SOX6: variants seen among roughly 807,000 people sequenced by gnomAD.
SOX6 encodes SRY-box transcription factor 6, also known as transcription factor SOX-6.
In SOX6, 11 loss-of-function variants were observed where a neutral mutation model predicts 97.8. That is an observed-to-expected ratio of 0.11 (90% confidence interval 0.07 to 0.19). The LOEUF is 0.19. SOX6 is among the 10% of genes least tolerant of loss of function. SOX6 has a pLI of 1.00. For synonymous variants in SOX6, 360 were observed against 371.4 expected (o/e 0.97, Z 0.35); for missense variants, 810 against 1,039.5 (o/e 0.78, Z 3.04).
At chr11:16,046,747 C>A in intron 11 of SOX6, 46 bp from the exon 12 acceptor site, 1 of 1,565,654 alleles carries the variant, frequency 6.4e-7, no homozygotes, top group South Asian at 1.1e-5. Context: ...GGTCAGACTC[C>A]TAAAAAGTAC....
chr11:16,053,574 TA>T (rs1309738442), intron 10 of SOX6, among the ~76,000 whole-genome samples: 1 of 152,084 alleles, frequency 6.6e-6, no homozygotes, highest in Admixed American at 6.6e-5. Flanking sequence ...AGGAGAAAAC[TA>T]AAGTAGAAAG....
intron 12 of SOX6, among the ~76,000 whole-genome samples, chr11:16,039,374 G>A (rs1045134218): frequency 2.6e-5 from 4 of 151,982 alleles, no homozygotes; most frequent in Non-Finnish European, 5.9e-5. Flanking sequence ...TGTTATTAAG[G>A]TTAAGGTGAA....
chr11:16,061,293 A>G (rs1348202466), intron 9 of SOX6, among the ~76,000 whole-genome samples: 2 of 129,834 alleles, frequency 1.5e-5, no homozygotes, highest in African/African-American at 5.3e-5. Context: ...AATCCCAGTT[A>G]CAATAGCTAC....
rs1308097815 is a variant in SOX6, at chr11:16,373,825, A to G, written c.-4-32573T>C. On this transcript the variant is annotated intron_variant, in intron 1 of 15. Coordinates refer to the SOX6 transcript ENST00000396356. ...AGGGGGAGGGAGGGAGGGAGAGAGG[A>G]AGGAAGGAAGGAAGGAAGGAAGGAA... Among the ~76,000 whole-genome samples the G allele has an allele frequency of 3.4e-4, 4 of 11,938 alleles. No individual in the cohort carries two copies. In the Admixed American group the frequency reaches 3.8e-3, roughly 11 times the overall value. 7.8% of individuals were successfully genotyped at this position (11,938 alleles called of 152,430 possible).
chr11:16,151,376 C>T (rs1850454192), intron 6 of SOX6, among the ~76,000 whole-genome samples: 1 of 152,098 alleles, frequency 6.6e-6, no homozygotes, highest in African/African-American at 2.4e-5. Flanking sequence ...CTGAGTAATA[C>T]TTTGAATTCA....
intron 3 of SOX6, among the ~76,000 whole-genome samples, chr11:16,268,599 G>C (rs1426338284): frequency 6.6e-6 from 1 of 151,100 alleles, no homozygotes; most frequent in African/African-American, 2.4e-5. Context: ...AAGAAGAAAT[G>C]ACAAATTCAC....
intron 3 of SOX6, among the ~76,000 whole-genome samples, chr11:16,614,814 T>C (rs1417480594): frequency 6.6e-6 from 1 of 152,194 alleles, no homozygotes; most frequent in Non-Finnish European, 1.5e-5. Flanking sequence ...AAATATACTT[T>C]ATAAATTGAG....
intron 1 of SOX6, among the ~76,000 whole-genome samples, chr11:16,433,129 C>T (rs1016448868): frequency 2.0e-5 from 3 of 151,964 alleles, no homozygotes; most frequent in African/African-American, 4.8e-5. Context: ...ACTTTAGGTT[C>T]GCAGTATTAA....
rs148741782 is a variant in SOX6, at chr11:16,182,836, G to A, written c.777+1050C>T. Reference sequence around the variant, plus strand: ...TGATTAACAAAATGAAGCAAGGATCGAAGGTAAAATCCTTGTTATTCATCA... The same window carrying A: ...TGATTAACAAAATGAAGCAAGGATCAAAGGTAAAATCCTTGTTATTCATCA... On this transcript the variant is annotated intron_variant, in intron 6 of 15. Coordinates refer to ENST00000683767, the MANE Select transcript of SOX6 (RefSeq NM_001367873.1). 1.5e-3 allele frequency among the ~76,000 whole-genome samples: 230 copies of A among 151,968 alleles called. 6 individuals carry two copies. In the East Asian group the frequency reaches 0.039, roughly 26 times the overall value.
intron 6 of SOX6, among the ~76,000 whole-genome samples, chr11:16,114,120 T>C (rs528743782): frequency 1.3e-5 from 2 of 152,304 alleles, no homozygotes; most frequent in South Asian, 2.1e-4. Flanking sequence ...AAAAACCTGA[T>C]TATATAATAA....
chr11:16,491,790 C>G (rs968670966), intron 4 of SOX6, among the ~76,000 whole-genome samples: 2 of 151,942 alleles, frequency 1.3e-5, no homozygotes, highest in African/African-American at 2.4e-5. Flanking sequence ...TATGAAAAAA[C>G]AAAATAAAAC....
intron 3 of SOX6, among the ~76,000 whole-genome samples, chr11:16,666,864 G>C (rs1847810874): frequency 6.6e-6 from 1 of 151,922 alleles, no homozygotes; most frequent in South Asian, 2.1e-4. Context: ...ATGAGATCTA[G>C]AAAATAGTCT....
At chr11:16,211,789 A>G (rs1159582883) in intron 4 of SOX6, among the ~76,000 whole-genome samples, 1 of 152,202 alleles carries the variant, frequency 6.6e-6, no homozygotes. Context: ...AACATGGTGC[A>G]TAAAAGTTGA....
chr11:16,284,551 G>C (rs1854675808), intron 3 of SOX6, among the ~76,000 whole-genome samples: 1 of 151,878 alleles, frequency 6.6e-6, no homozygotes, highest in Admixed American at 6.6e-5. Flanking sequence ...GATATTTATT[G>C]ATCGCCTTTT....
chr11:16,735,939 G>A (rs915454085), intron 2 of SOX6, among the ~76,000 whole-genome samples: 4 of 152,002 alleles, frequency 2.6e-5, no homozygotes, highest in African/African-American at 9.7e-5. Flanking sequence ...CCCTGGTTGA[G>A]AGCACGTACT....
intron 12 of SOX6, among the ~76,000 whole-genome samples, chr11:16,024,046 A>G (rs1855146660): frequency 6.6e-6 from 1 of 152,174 alleles, no homozygotes; most frequent in South Asian, 2.1e-4. Context: ...TGGTTAGGTT[A>G]AAATGAGGCT....
intron 4 of SOX6, among the ~76,000 whole-genome samples, chr11:16,533,598 C>T (rs184376858): frequency 2.2e-4 from 33 of 152,064 alleles, no homozygotes; most frequent in African/African-American, 7.5e-4. Flanking sequence ...TATATACCCT[C>T]ATTGAAAATA....
chr11:16,430,259 G>T (rs1859248314), intron 1 of SOX6, among the ~76,000 whole-genome samples: 1 of 152,098 alleles, frequency 6.6e-6, no homozygotes, highest in South Asian at 2.1e-4. Flanking sequence ...CTTCCTCAGG[G>T]AAGACTTACC....
chr11:16,596,355 A>G (rs905574215), intron 4 of SOX6, among the ~76,000 whole-genome samples: 19 of 152,234 alleles, frequency 1.2e-4, no homozygotes, highest in African/African-American at 4.3e-4. Flanking sequence ...AAGAAAGAGA[A>G]GTGCAGTGGC....
Sources: gnomAD v4.1 joint callset for allele counts (sites outside exome capture counted in the v4.1 genomes callset) on GRCh38, gnomAD v4.1.1 for gene constraint, MANE v1.5 for transcripts, NCBI Gene and HGNC (gene_info 2026-07-23, HGNC 2026-07-21) for gene names.